Variants in SCIN observed in about 807,000 individuals in gnomAD.
SCIN encodes scinderin.
Under a neutral mutation model 91.8 loss-of-function variants are expected in SCIN, and 91 were observed. That is an observed-to-expected ratio of 0.99 (90% CI 0.84 to 1.18). SCIN has a LOEUF of 1.18. Ranked by LOEUF, SCIN falls within the 50% of genes most tolerant of loss-of-function variation. SCIN has a pLI of 0.00. For missense variants in SCIN, 1,087 were observed against 863.9 expected (o/e 1.26, Z -3.24); for synonymous variants, 367 against 312.6 (o/e 1.17, Z -1.84).
At chr7:12,628,214 T>C (rs1468137999) in intron 8 of SCIN, among the ~76,000 whole-genome samples, 2 of 152,170 alleles carry the variant, frequency 1.3e-5, no homozygotes, top group Non-Finnish European at 2.9e-5. Context: ...TCTGCCTGCT[T>C]TTCTCCCAGC....
At position 12,636,023 on chromosome 7, in the gene SCIN, C is replaced by T. The variant is rs575137193; in HGVS notation, c.1320-22C>T. On this transcript the variant is annotated intron_variant, in intron 9 of 15. Transcript: ENST00000297029. Reference sequence around the variant, plus strand: ...CTTAAAACTTAAAGGCAAGCTAATTCGTTTCACTTTCATTCCTCTAGGCAA... The same window carrying T: ...CTTAAAACTTAAAGGCAAGCTAATTTGTTTCACTTTCATTCCTCTAGGCAA... 6.3e-5 allele frequency: 100 copies of T among 1,582,874 alleles called. 1 individual carries two copies. Among genetic ancestry groups the T allele is most frequent in the Non-Finnish European group, 8.3e-5 (96 of 1,156,020 alleles).
At chr7:12,650,266 T>C (rs1371460774) in intron 14 of SCIN, among the ~76,000 whole-genome samples, 1 of 152,224 alleles carries the variant, frequency 6.6e-6, no homozygotes, top group African/African-American at 2.4e-5. Flanking sequence ...ATGACCATGT[T>C]TGACTTGAGG....
intron 1 of SCIN, among the ~76,000 whole-genome samples, chr7:12,576,522 T>C (rs1782375981): frequency 1.3e-5 from 2 of 152,206 alleles, no homozygotes; most frequent in Non-Finnish European, 2.9e-5. Flanking sequence ...GGGTTGTTCA[T>C]GTGAACTATT....
At chr7:12,603,987 A>C (rs980956938) in intron 3 of SCIN, among the ~76,000 whole-genome samples, 1 of 152,014 alleles carries the variant, frequency 6.6e-6, no homozygotes, top group African/African-American at 2.4e-5. Context: ...CACTCTTTTT[A>C]TGGCTCTTGA....
intron 3 of SCIN, among the ~76,000 whole-genome samples, chr7:12,586,720 C>A (rs1316935891): frequency 6.6e-6 from 1 of 152,142 alleles, no homozygotes; most frequent in African/African-American, 2.4e-5. Flanking sequence ...ATATGGTATA[C>A]ACACAATGGA....
intron 10 of SCIN, 106 bp downstream of exon 10, chr7:12,636,241 G>C (rs190790343): frequency 1.4e-6 from 1 of 708,020 alleles, no homozygotes; most frequent in South Asian, 1.9e-5. Flanking sequence ...ACATTTTCTT[G>C]ATATGAACTG....
chr7:12,629,930 T>C (rs1473662152), intron 9 of SCIN, among the ~76,000 whole-genome samples: 3 of 151,732 alleles, frequency 2.0e-5, no homozygotes, highest in Admixed American at 6.6e-5. Flanking sequence ...CAGGTAAAAA[T>C]AGAATATTGC....
chr7:12,649,397 C>A, intron 13 of SCIN, 70 bp from the exon 14 acceptor site: 2 of 878,234 alleles, frequency 2.3e-6, no homozygotes, highest in East Asian at 2.9e-5. Flanking sequence ...AAATACAGGG[C>A]ATTTCTATCC....
chr7:12,640,137 C>A (rs849767), intron 10 of SCIN, among the ~76,000 whole-genome samples: 54,988 of 151,990 alleles, frequency 0.36, 10,647 homozygotes, highest in Middle Eastern at 0.46. Context: ...TCATGGACAC[C>A]GTGCCTGCGA....
rs1784205177 is a variant in SCIN at position 12,658,195 on chromosome 7, G to A, written c.*5480G>A. On this transcript the variant is annotated 3_prime_UTR_variant, in exon 16 of 16. Coordinates refer to ENST00000297029, the MANE Select transcript of SCIN (RefSeq NM_001112706.3). Reference sequence around the variant, plus strand: ...CAACTTCTAGGTAAACAGTAAACAAGAATAAGCAAATTTGAGTTTTCCTAA... The same window carrying A: ...CAACTTCTAGGTAAACAGTAAACAAAAATAAGCAAATTTGAGTTTTCCTAA... 6.6e-6 allele frequency: 1 copy of A among 152,186 alleles called. No individual in the cohort carries two copies. The highest frequency in any genetic ancestry group is 2.4e-5 in the African/African-American group (1 of 41,436). The allele number at this position is 152,186 out of a possible 1,614,324, so 9.4% of individuals were successfully genotyped here.
chr7:12,630,510 C>G (rs1402471150), intron 9 of SCIN, among the ~76,000 whole-genome samples: 1 of 152,234 alleles, frequency 6.6e-6, no homozygotes, highest in African/African-American at 2.4e-5. Flanking sequence ...TCCTGAGATT[C>G]TAATCTATAC....
intron 1 of SCIN, among the ~76,000 whole-genome samples, chr7:12,572,188 A>T (rs1265258123): frequency 2.0e-5 from 3 of 152,234 alleles, no homozygotes; most frequent in Non-Finnish European, 2.9e-5. Flanking sequence ...GAAATGAAAA[A>T]TACGTAGATG....
At chr7:12,600,225 A>G (rs995900303) in intron 3 of SCIN, among the ~76,000 whole-genome samples, 1 of 152,224 alleles carries the variant, frequency 6.6e-6, no homozygotes, top group African/African-American at 2.4e-5. Flanking sequence ...ATTGGAGACT[A>G]TTATTCTAAG....
intron 4 of SCIN, among the ~76,000 whole-genome samples, chr7:12,607,584 C>G (rs1007172487): frequency 1.3e-5 from 2 of 152,198 alleles, no homozygotes; most frequent in South Asian, 4.1e-4. Context: ...CAAGACTCCT[C>G]AGTTTGGTTT....
intron 4 of SCIN, among the ~76,000 whole-genome samples, chr7:12,614,228 G>A (rs142274645): frequency 3.3e-5 from 5 of 152,266 alleles, no homozygotes; most frequent in Admixed American, 1.3e-4. Context: ...CTGGTAGGCT[G>A]AACTTCCTGT....
chr7:12,604,794 G>A (rs1783038807), intron 4 of SCIN, 131 bp downstream of exon 4: 1 of 716,882 alleles, frequency 1.4e-6, no homozygotes. Context: ...TTTCAATAGT[G>A]AGCCTAGCTA....
At chr7:12,598,760 T>G (rs773986535) in intron 3 of SCIN, among the ~76,000 whole-genome samples, 1 of 151,920 alleles carries the variant, frequency 6.6e-6, no homozygotes, top group Admixed American at 6.6e-5. Context: ...ACAAAAAAAG[T>G]TCGCTAGGCG....
intron 4 of SCIN, among the ~76,000 whole-genome samples, chr7:12,614,497 C>T (rs1008926022): frequency 6.6e-6 from 1 of 152,096 alleles, no homozygotes; most frequent in East Asian, 1.9e-4. Context: ...CAAAAGTTGA[C>T]TCTGAGACAA....
rs573251612 is a variant in SCIN at position 12,651,708 on chromosome 7, C to A, written c.1960-133C>A. Reference sequence around the variant, plus strand: ...GTGATGGTACCTCTCTGGGCCACCACCTCCACGTCCCTAACTTCTGCGGAT... The same window carrying A: ...GTGATGGTACCTCTCTGGGCCACCAACTCCACGTCCCTAACTTCTGCGGAT... On this transcript the variant is annotated intron_variant, in intron 14 of 15. Transcript: ENST00000297029. This position sits in a 1 kb window ranked among gnomAD's most constrained non-coding sequence, Gnocchi z 5.9. 8.3e-6 allele frequency: 5 copies of A among 600,716 alleles called. No homozygotes were observed. Among genetic ancestry groups the A allele is most frequent in the South Asian group, 4.4e-5 (2 of 45,250 alleles). The allele number at this position is 600,716 out of a possible 1,614,324, so 37.2% of individuals were successfully genotyped here. A position where few individuals can be genotyped will look rare whatever the true frequency, so the allele number is the denominator to read the frequency against.
Sources: gnomAD v4.1 joint callset for allele counts (sites outside exome capture counted in the v4.1 genomes callset) on GRCh38, gnomAD v4.1.1 for gene constraint, Gnocchi (gnomAD v3.1) non-coding constraint, MANE v1.5 for transcripts, NCBI Gene and HGNC (gene_info 2026-07-23, HGNC 2026-07-21) for gene names.